Variants in RALGAPA2 observed in about 807,000 individuals in gnomAD.
The protein encoded by RALGAPA2 is Ral GTPase activating protein catalytic subunit alpha 2.
A neutral mutation model predicts 230.4 loss-of-function variants in RALGAPA2; 139 were observed. That is an observed-to-expected ratio of 0.60 (90% CI 0.53 to 0.69). The LOEUF (loss-of-function observed/expected upper bound fraction) is 0.69. RALGAPA2 is among the 30% of genes least tolerant of loss of function. The pLI is 0.00. For synonymous variants in RALGAPA2, 847 were observed against 837.8 expected (o/e 1.01, Z -0.19); for missense variants, 2,163 against 2,276.0 (o/e 0.95, Z 1.01).
chr20:20,402,306 G>A (rs2059860044), intron 38 of RALGAPA2, among the ~76,000 whole-genome samples: 2 of 152,232 alleles, frequency 1.3e-5, no homozygotes, highest in African/African-American at 4.8e-5. Context: ...GAGAGTCCTG[G>A]AGACCATTTT....
intron 1 of RALGAPA2, among the ~76,000 whole-genome samples, chr20:20,684,030 A>G (rs7351929): frequency 0.076 from 11,573 of 152,242 alleles, 601 homozygotes; most frequent in East Asian, 0.16. Context: ...CTACTTTGGA[A>G]CAGTCTAACA....
At chr20:20,640,263 C>G (rs1245261192) in intron 6 of RALGAPA2, among the ~76,000 whole-genome samples, 1 of 152,210 alleles carries the variant, frequency 6.6e-6, no homozygotes, top group Non-Finnish European at 1.5e-5. Flanking sequence ...CATGAGGCCA[C>G]TATTGTCCTT....
chr20:20,440,174 G>A (rs1032951459), intron 37 of RALGAPA2, among the ~76,000 whole-genome samples: 3 of 152,150 alleles, frequency 2.0e-5, no homozygotes, highest in African/African-American at 7.2e-5. Context: ...TGCTTGTAGG[G>A]CTTTATAAAG....
intron 9 of RALGAPA2, 51 bp downstream of exon 9, chr20:20,635,367 T>C (rs901247909): frequency 6.7e-7 from 1 of 1,499,952 alleles, no homozygotes; most frequent in African/African-American, 1.4e-5. Flanking sequence ...TATGTTCCAG[T>C]GTATTTTATT....
In RALGAPA2 at chr20:20,589,366, C is replaced by CTAGAAA; in HGVS notation, c.2342-7_2342-2dup. ...TTCTGTGTGTTTTCTGCCTTTTGAC[C>CTAGAAA]TAGAAATGGTGGGGCAGGGGGGTAG... On this transcript the variant is annotated splice_acceptor_variant, in intron 17 of 39. Coordinates refer to ENST00000202677, the MANE Select transcript of RALGAPA2 (RefSeq NM_020343.4). LOFTEE classifies it high-confidence loss of function. 1 of 1,579,030 alleles carries CTAGAAA rather than the reference C, an allele frequency of 6.3e-7. No individual in the cohort carries two copies. The highest frequency in any genetic ancestry group is 8.6e-7 in the Non-Finnish European group (1 of 1,160,592).
intron 36 of RALGAPA2, among the ~76,000 whole-genome samples, chr20:20,475,264 T>C (rs1217240780): frequency 6.6e-6 from 1 of 152,154 alleles, no homozygotes; most frequent in Non-Finnish European, 1.5e-5. Flanking sequence ...GCTGACATGG[T>C]AAGAAAACTA....
At chr20:20,621,358 C>T (rs188770851) in intron 10 of RALGAPA2, among the ~76,000 whole-genome samples, 2 of 152,224 alleles carry the variant, frequency 1.3e-5, no homozygotes, top group Admixed American at 1.3e-4. Flanking sequence ...CACCTCTTCT[C>T]AGCTCCATGT....
intron 37 of RALGAPA2, among the ~76,000 whole-genome samples, chr20:20,462,175 A>C (rs1355504309): frequency 6.6e-6 from 1 of 152,210 alleles, no homozygotes; most frequent in Non-Finnish European, 1.5e-5. Context: ...TGATGAAAAG[A>C]GTTACAAAAA....
At chr20:20,471,706 A>T (rs369881900) in intron 37 of RALGAPA2, 7 of 152,314 alleles carry the variant, frequency 4.6e-5, no homozygotes, top group East Asian at 3.9e-4. Flanking sequence ...CACTGAAGGG[A>T]ATAATCCTGC....
chr20:20,473,648 G>T (rs1233460796), intron 36 of RALGAPA2, among the ~76,000 whole-genome samples: 1 of 152,096 alleles, frequency 6.6e-6, no homozygotes, highest in Non-Finnish European at 1.5e-5. Flanking sequence ...CCCAGCTTCT[G>T]TTTTTAATAG....
chr20:20,591,188 T>A lies in RALGAPA2; in HGVS notation c.2330A>T (p.Asp777Val). ...AAGACATCATGTACCCTGAGAAGAA[T>A]CTGAGCACAGCGGCTCGGGGATGTC... is the stretch of plus-strand genomic sequence containing the variant. The part of the protein sequence containing the change: ...TSDIPEPLCS[D>V]SSQGQKAENT... Residue 777 changes from aspartate (D) to valine (V), a missense_variant, in exon 17 of 40, where the codon GAT becomes GTT. Physicochemically the swap from Asp to Val is radical, Grantham distance 152 (BLOSUM62 -3). Coordinates refer to ENST00000202677, the MANE Select transcript of RALGAPA2 (RefSeq NM_020343.4). 6.2e-7 allele frequency: 1 copy of A among 1,613,760 alleles called. No individual in the cohort carries two copies. Among genetic ancestry groups the A allele is most frequent in the South Asian group, 1.1e-5 (1 of 91,074 alleles).
At chr20:20,587,207 C>T (rs1201400836) in intron 18 of RALGAPA2, among the ~76,000 whole-genome samples, 1 of 152,074 alleles carries the variant, frequency 6.6e-6, no homozygotes, top group East Asian at 1.9e-4. Context: ...GGACAGAAGA[C>T]TTCTCAGCAA....
chr20:20,546,794 G>A lies in RALGAPA2; in HGVS notation c.3195C>T (p.Arg1065=), dbSNP rs756738605. 1 of 1,611,668 alleles carries A rather than the reference G, an allele frequency of 6.2e-7. No individual in the cohort carries two copies. Among genetic ancestry groups the A allele is most frequent in the African/African-American group, 1.3e-5 (1 of 74,862 alleles). The change falls in exon 24 of 40, where the codon CGC becomes CGT. Residue 1065 remains arginine, a synonymous_variant. Coordinates refer to ENST00000202677, the MANE Select transcript of RALGAPA2 (RefSeq NM_020343.4). ...LNTIIRHCPP[R]FFSLGFPGFS... is the part of the protein sequence containing the mutation. ...AGCCAGGAAAACCCAGGGAGAAAAA[G>A]CGGGGTGGACAGTGCCTTATGATCG...
At chr20:20,444,888 TGTCC>T (rs1426042225) in intron 37 of RALGAPA2, among the ~76,000 whole-genome samples, 3 of 152,264 alleles carry the variant, frequency 2.0e-5, no homozygotes, top group Admixed American at 6.5e-5. Flanking sequence ...GCACACTGTC[TGTCC>T]TTTTGTCCAG....
intron 32 of RALGAPA2, among the ~76,000 whole-genome samples, chr20:20,512,268 CAA>C (rs56270965): frequency 1.3e-5 from 2 of 150,494 alleles, no homozygotes; most frequent in African/African-American, 2.4e-5. Flanking sequence ...CACACACACA[CAA>C]ATGTTTGATA....
intron 36 of RALGAPA2, among the ~76,000 whole-genome samples, chr20:20,476,943 T>C (rs1022870379): frequency 3.3e-5 from 5 of 152,020 alleles, no homozygotes; most frequent in East Asian, 1.9e-4. Flanking sequence ...CCAAATATAA[T>C]GACAAGTGAA....
intron 38 of RALGAPA2, among the ~76,000 whole-genome samples, chr20:20,411,770 C>T (rs975345912): frequency 6.6e-6 from 1 of 152,206 alleles, no homozygotes; most frequent in Non-Finnish European, 1.5e-5. Context: ...TGAACCGGAG[C>T]ACATTACTGA....
At chr20:20,429,743 G>A (rs1420543658) in intron 37 of RALGAPA2, among the ~76,000 whole-genome samples, 1 of 152,242 alleles carries the variant, frequency 6.6e-6, no homozygotes, top group Non-Finnish European at 1.5e-5. Context: ...CAACACTGGA[G>A]AGCAGAGCGT....
chr20:20,655,711 G>A (rs139341643), intron 3 of RALGAPA2, among the ~76,000 whole-genome samples: 224 of 152,248 alleles, frequency 1.5e-3, no homozygotes, highest in African/African-American at 5.2e-3. Flanking sequence ...GAGAGGGGAG[G>A]TAGACACAGT....
Sources: allele counts gnomAD v4.1 joint callset (sites outside exome capture counted in the v4.1 genomes callset), GRCh38; gene constraint gnomAD v4.1.1; transcripts MANE v1.5; gene names NCBI Gene and HGNC (gene_info 2026-07-23, HGNC 2026-07-21).